RGS20: variants seen among roughly 807,000 people sequenced by gnomAD.
RGS20 encodes the protein gz-selective GTPase-activating protein.
In RGS20, 30 loss-of-function variants were observed where a neutral mutation model predicts 33.6. The ratio of observed to expected loss-of-function variants is 0.89; its 90% CI spans 0.67 to 1.21. The LOEUF (loss-of-function observed/expected upper bound fraction) is 1.21. Among genes scored for constraint, RGS20 ranks in the 50% most tolerant of loss-of-function variants. The probability of loss-of-function intolerance (pLI) is 0.00; values close to 1 mark genes in which losing one functional copy is unlikely to be tolerated. For synonymous variants in RGS20, 208 were observed against 197.9 expected, an observed-to-expected ratio of 1.05 and a Z score of -0.43; for missense variants, 472 against 502.4, an observed-to-expected ratio of 0.94 and a Z score of 0.58.
At chr8:53,912,575 ATC>A (rs1172343015) in intron 2 of RGS20, among the ~76,000 whole-genome samples, 30 of 152,206 alleles carry the variant, frequency 2.0e-4, no homozygotes, top group African/African-American at 7.0e-4. Context: ...GCTACTGTTC[ATC>A]TGTCTATTCT....
intron 2 of RGS20, among the ~76,000 whole-genome samples, chr8:53,882,036 G>T (rs1030555261): frequency 1.3e-5 from 2 of 152,094 alleles, no homozygotes; most frequent in East Asian, 3.9e-4. Context: ...GGCCTCTAGG[G>T]AAGCGGCGCT....
At chr8:53,949,256 A>T (rs1814639392) in intron 4 of RGS20, among the ~76,000 whole-genome samples, 1 of 147,468 alleles carries the variant, frequency 6.8e-6, no homozygotes, top group African/African-American at 2.5e-5. Context: ...GTATATATTT[A>T]TATATACTAT....
chr8:53,902,537 C>T (rs2129281071), intron 2 of RGS20, among the ~76,000 whole-genome samples: 1 of 152,260 alleles, frequency 6.6e-6, no homozygotes, highest in African/African-American at 2.4e-5. Context: ...TCCTTCCTCT[C>T]TATCTTTCTC....
At chr8:53,939,797 A>AC in intron 3 of RGS20, 73 bp downstream of exon 2, 1 of 1,462,080 alleles carries the variant, frequency 6.8e-7, no homozygotes, top group South Asian at 1.4e-5. Context: ...GGGACGTGGC[A>AC]CCCCTGAAAG....
At chr8:53,905,230 G>A (rs896922393) in intron 2 of RGS20, among the ~76,000 whole-genome samples, 1 of 152,108 alleles carries the variant, frequency 6.6e-6, no homozygotes, top group African/African-American at 2.4e-5. Flanking sequence ...TCTTAAAATA[G>A]ACAATAAAAC....
chr8:53,874,129 G>A (rs1842983), intron 1 of RGS20, among the ~76,000 whole-genome samples: 11,098 of 152,140 alleles, frequency 0.073, 882 homozygotes, highest in East Asian at 0.32. Flanking sequence ...GAAGCCAGGC[G>A]GTAGAGGCTG....
chr8:53,927,324 C>A (rs1205793004), intron 2 of RGS20, among the ~76,000 whole-genome samples: 2 of 151,770 alleles, frequency 1.3e-5, no homozygotes, highest in East Asian at 3.9e-4. Flanking sequence ...CTTAGCCCCC[C>A]AACCAAGTAA....
chr8:53,926,280 T>A (rs1813792637), intron 2 of RGS20, among the ~76,000 whole-genome samples: 2 of 152,170 alleles, frequency 1.3e-5, no homozygotes, highest in African/African-American at 2.4e-5. Context: ...CAAATTTTCT[T>A]ATATTATTGT....
At chr8:53,901,876 A>G (rs966282341) in intron 2 of RGS20, among the ~76,000 whole-genome samples, 3 of 152,218 alleles carry the variant, frequency 2.0e-5, no homozygotes, top group Non-Finnish European at 4.4e-5. Flanking sequence ...GGAAAACATT[A>G]TAGAGATAGA....
chr8:53,904,209 G>A (rs889873097), intron 2 of RGS20, among the ~76,000 whole-genome samples: 2 of 150,088 alleles, frequency 1.3e-5, no homozygotes, highest in African/African-American at 2.5e-5. Context: ...TGCAACCTCC[G>A]CATCCCAGGT....
chr8:53,868,079 G>A (rs144264882), intron 1 of RGS20, among the ~76,000 whole-genome samples: 135 of 152,188 alleles, frequency 8.9e-4, no homozygotes, highest in African/African-American at 3.1e-3. Context: ...AAGTAAAGTG[G>A]AGAATTAGCA....
chr8:53,872,358 T>A (rs930920600), intron 1 of RGS20, among the ~76,000 whole-genome samples: 1 of 152,170 alleles, frequency 6.6e-6, no homozygotes, highest in Non-Finnish European at 1.5e-5. Context: ...TCTCAATGAT[T>A]TCCCATTGCT....
chr8:53,955,968 C>T (rs1814853648), intron 5 of RGS20, among the ~76,000 whole-genome samples: 1 of 152,154 alleles, frequency 6.6e-6, no homozygotes, highest in Non-Finnish European at 1.5e-5. Flanking sequence ...GAAGCAGGGC[C>T]TCTCCTGTCA....
chr8:53,911,229 G>A (rs948159272), intron 2 of RGS20, among the ~76,000 whole-genome samples: 7 of 152,152 alleles, frequency 4.6e-5, no homozygotes, highest in Non-Finnish European at 1.0e-4. Context: ...AGTGTGAGAG[G>A]CCAGGAGAAA....
intron 2 of RGS20, among the ~76,000 whole-genome samples, chr8:53,924,223 C>CTCTG (rs1200492226): frequency 1.3e-5 from 2 of 151,766 alleles, no homozygotes; most frequent in African/African-American, 4.8e-5. Flanking sequence ...CAGAGTCTTG[C>CTCTG]TCTGTCACCC....
chr8:53,918,789 A>G (rs58564664), intron 2 of RGS20, among the ~76,000 whole-genome samples: 15,613 of 152,094 alleles, frequency 0.1, 2,299 homozygotes, highest in African/African-American at 0.33. Context: ...GACATATCAT[A>G]TTTTGTTTAT....
chr8:53,893,365 A>G (rs866196281), intron 2 of RGS20, among the ~76,000 whole-genome samples: 1 of 152,224 alleles, frequency 6.6e-6, no homozygotes, highest in Non-Finnish European at 1.5e-5. Context: ...ATTCTACTCT[A>G]AAGCTGAGAT....
intron 2 of RGS20, chr8:53,879,813 C>T: frequency 2.2e-6 from 1 of 464,264 alleles, no homozygotes; most frequent in Non-Finnish European, 3.7e-6. Context: ...GAAGACACTC[C>T]AAGCTACTTT....
chr8:53,926,209 C>CA (rs1210528296), intron 2 of RGS20, among the ~76,000 whole-genome samples: 3 of 151,732 alleles, frequency 2.0e-5, no homozygotes, highest in Admixed American at 6.6e-5. Context: ...GATCCTGTCT[C>CA]AAAAAACAAA....
Sources: allele counts gnomAD v4.1 joint callset (sites outside exome capture counted in the v4.1 genomes callset), GRCh38; gene constraint gnomAD v4.1.1; transcripts MANE v1.5; gene names NCBI Gene and HGNC (gene_info 2026-07-23, HGNC 2026-07-21).